CLEC2L: variants seen among roughly 807,000 people sequenced by gnomAD.
CLEC2L encodes C-type lectin domain family 2, member L.
A neutral mutation model predicts 23.6 loss-of-function variants in CLEC2L; 14 were observed. That is an observed-to-expected ratio of 0.59 (90% CI 0.39 to 0.93). CLEC2L has a LOEUF of 0.93. Ranked by LOEUF, CLEC2L falls within the 40% of genes least tolerant of loss-of-function variation. The pLI is 0.00. For synonymous variants in CLEC2L, 114 were observed against 121.3 expected (o/e 0.94, Z 0.40); for missense variants, 264 against 282.4 (o/e 0.93, Z 0.47).
At chr7:139,543,288 G>A (rs1160962452) in intron 4 of CLEC2L, among the ~76,000 whole-genome samples, 1 of 152,136 alleles carries the variant, frequency 6.6e-6, no homozygotes, top group East Asian at 1.9e-4. Flanking sequence ...TCTCAGGTCT[G>A]CTCTCTCAGA....
chr7:139,535,489 G>A (rs1400281218), intron 1 of CLEC2L, among the ~76,000 whole-genome samples: 2 of 152,058 alleles, frequency 1.3e-5, no homozygotes, highest in Non-Finnish European at 2.9e-5. Flanking sequence ...GCCACTAACC[G>A]TACACTAAAA....
Position 139,544,436 on chromosome 7 carries a change from T to C in CLEC2L, c.*94T>C. 2.2e-6 allele frequency: 2 copies of C among 905,018 alleles called. No homozygotes were observed. Among genetic ancestry groups the C allele is most frequent in the Non-Finnish European group, 3.4e-6 (2 of 580,204 alleles). 56.1% of individuals were successfully genotyped at this position (905,018 alleles called of 1,614,324 possible). A position where few individuals can be genotyped will look rare whatever the true frequency, so the allele number is the denominator to read the frequency against. ...GCTTCCAGCGGAGCCGCCTGCCCTC[T>C]GCAAGGCGAAGCGGTGGGTGCGTGG... On this transcript the variant is annotated 3_prime_UTR_variant, in exon 5 of 5. Coordinates refer to ENST00000422142, the MANE Select transcript of CLEC2L (RefSeq NM_001080511.4).
At chr7:139,542,532 G>T (rs779759845) in intron 4 of CLEC2L, among the ~76,000 whole-genome samples, 1 of 152,224 alleles carries the variant, frequency 6.6e-6, no homozygotes, top group Non-Finnish European at 1.5e-5. Context: ...TCACATGGCC[G>T]CACCTGGCCG....
At chr7:139,544,170 C>T (rs1273189883) in intron 4 of CLEC2L, 61 bp from the exon 5 acceptor site, 6 of 1,287,722 alleles carry the variant, frequency 4.7e-6, no homozygotes, top group Non-Finnish European at 6.6e-6. Flanking sequence ...CCTCCCCTGC[C>T]ACTGGGTTTT....
chr7:139,536,628 G>T (rs1173821875), intron 2 of CLEC2L, among the ~76,000 whole-genome samples: 1 of 152,100 alleles, frequency 6.6e-6, no homozygotes, highest in African/African-American at 2.4e-5. Context: ...ACTTGGGGTA[G>T]GTTAGGAAGA....
intron 1 of CLEC2L, among the ~76,000 whole-genome samples, chr7:139,530,190 AAAACCAAACC>A (rs555258385): frequency 7.2e-5 from 11 of 152,030 alleles, no homozygotes; most frequent in African/African-American, 2.7e-4. Context: ...TGTCAAAAAA[AAAACCAAACC>A]AAACCAAACC....
intron 2 of CLEC2L, among the ~76,000 whole-genome samples, chr7:139,536,746 G>A (rs1797663490): frequency 6.6e-6 from 1 of 151,864 alleles, no homozygotes; most frequent in South Asian, 2.1e-4. Flanking sequence ...AGGCTGAGGT[G>A]GGTGGATCAC....
At chr7:139,542,160 C>CT in intron 4 of CLEC2L, 39 bp downstream of exon 4, 1 of 1,432,538 alleles carries the variant, frequency 7.0e-7, no homozygotes. Flanking sequence ...CGAGCTTAGA[C>CT]TGAGAAAGGC....
At chr7:139,524,342 G>A (rs1209689822) in intron 1 of CLEC2L, among the ~76,000 whole-genome samples, 2 of 152,208 alleles carry the variant, frequency 1.3e-5, no homozygotes, top group Non-Finnish European at 2.9e-5. Context: ...CCTCGACCCC[G>A]CCTCTGCTGC....
chr7:139,544,550 G>A lies in CLEC2L; in HGVS notation c.*208G>A, dbSNP rs1797782176. On this transcript the variant is annotated 3_prime_UTR_variant, in exon 5 of 5. Transcript: ENST00000422142. ...GTCTGCAGGCAGGTCGTGTGGCTCA[G>A]CAGTTAAATCCCATATGCTAGGTAG... 1.7e-6 allele frequency: 1 copy of A among 589,730 alleles called. No homozygotes were observed. The highest frequency in any genetic ancestry group is 3.0e-6 in the Non-Finnish European group (1 of 330,622). The allele number at this position is 589,730 out of a possible 1,614,324, so 36.5% of individuals were successfully genotyped here. A position where few individuals can be genotyped will look rare whatever the true frequency, so the allele number is the denominator to read the frequency against.
chr7:139,540,653 C>T lies in CLEC2L; in HGVS notation c.432+166C>T, dbSNP rs1347815656. 1.3e-5 allele frequency among the ~76,000 whole-genome samples: 2 copies of T among 152,238 alleles called. No homozygotes were observed. Among genetic ancestry groups the T allele is most frequent in the Non-Finnish European group, 2.9e-5 (2 of 68,036 alleles). ...TTGGGGTGCAGGCAGACCTCACAGT[C>T]TGAGCAGGTCAATGAGTGGCTCCAG... On this transcript the variant is annotated intron_variant, in intron 3 of 4. Transcript: ENST00000422142. This position sits in a 1 kb window ranked among gnomAD's most constrained non-coding sequence, Gnocchi z 5.8.
At chr7:139,542,162 G>A (rs145397757) in intron 4 of CLEC2L, 41 bp downstream of exon 4, 14,414 of 1,418,804 alleles carry the variant, frequency 0.01, 119 homozygotes, top group Middle Eastern at 0.024. Flanking sequence ...AGCTTAGACT[G>A]AGAAAGGCCT....
intron 1 of CLEC2L, among the ~76,000 whole-genome samples, chr7:139,535,765 G>A (rs115190979): frequency 0.01 from 1,549 of 152,280 alleles, 27 homozygotes; most frequent in African/African-American, 0.036. Context: ...CAAAGATTCA[G>A]TAGCAGGGCT....
chr7:139,535,020 C>G (rs1797633338), intron 1 of CLEC2L, among the ~76,000 whole-genome samples: 1 of 151,156 alleles, frequency 6.6e-6, no homozygotes, highest in Non-Finnish European at 1.5e-5. Flanking sequence ...TCCAGCAACT[C>G]CACTCCTAAG....
intron 1 of CLEC2L, among the ~76,000 whole-genome samples, chr7:139,529,870 C>A (rs954932464): frequency 2.6e-5 from 4 of 152,048 alleles, no homozygotes; most frequent in Non-Finnish European, 5.9e-5. Flanking sequence ...AGTTTGAGAC[C>A]AATCTGGCCA....
At chr7:139,537,325 GT>G (rs1464105473) in intron 2 of CLEC2L, among the ~76,000 whole-genome samples, 2 of 141,238 alleles carry the variant, frequency 1.4e-5, no homozygotes, top group African/African-American at 3.2e-5. Context: ...GGTAACCAAT[GT>G]TTATTAATAT....
At position 139,528,071 on chromosome 7, in the gene CLEC2L, C is replaced by A. The variant is rs574908298; in HGVS notation, c.190+3954C>A. Reference sequence around the variant, plus strand: ...ATTTAGAAACCTAAATAAACTACACCCTTATACGCCATCTAATATGGGCCA... The same window carrying A: ...ATTTAGAAACCTAAATAAACTACACACTTATACGCCATCTAATATGGGCCA... On this transcript the variant is annotated intron_variant, in intron 1 of 4. Transcript: ENST00000422142. Among the ~76,000 whole-genome samples the A allele has an allele frequency of 8.5e-5, 13 of 152,130 alleles. No individual in the cohort carries two copies. The East Asian group carries it at 2.3e-3, about 27-fold the overall frequency.
At position 139,542,001 on chromosome 7, in the gene CLEC2L, T is replaced by A; in HGVS notation, c.433-20T>A. 6.4e-7 allele frequency: 1 copy of A among 1,566,992 alleles called. No individual in the cohort carries two copies. The highest frequency in any genetic ancestry group is 8.7e-7 in the Non-Finnish European group (1 of 1,143,546). On this transcript the variant is annotated intron_variant, in intron 3 of 4. Transcript: ENST00000422142. The stretch of plus-strand genomic sequence containing the variant: ...GGAGACCGCATCTGACCCTGAGGTG[T>A]CCCTTTTTCCTCGGTGCAGGAATTT...
intron 1 of CLEC2L, among the ~76,000 whole-genome samples, chr7:139,536,020 G>T (rs1797649289): frequency 1.3e-5 from 2 of 152,216 alleles, no homozygotes. Flanking sequence ...AACACAGCTT[G>T]TTGGCCAGGT....
Sources: allele counts gnomAD v4.1 joint callset (sites outside exome capture counted in the v4.1 genomes callset), GRCh38; gene constraint gnomAD v4.1.1; non-coding constraint Gnocchi (gnomAD v3.1); transcripts MANE v1.5; gene names NCBI Gene and HGNC (gene_info 2026-07-23, HGNC 2026-07-21).